TNFAIP6: variants seen among roughly 807,000 people sequenced by gnomAD.
TNFAIP6 encodes TNF alpha induced protein 6.
Under a neutral mutation model 33.7 loss-of-function variants are expected in TNFAIP6, and 36 were observed. That is an observed-to-expected ratio of 1.07 (90% CI 0.82 to 1.41). The LOEUF (loss-of-function observed/expected upper bound fraction) is 1.41, where lower values mean the gene tolerates loss of function less well. Ranked by LOEUF, TNFAIP6 falls within the 40% of genes most tolerant of loss-of-function variation. The pLI is 0.00. For synonymous variants in TNFAIP6, 113 were observed against 112.8 expected (o/e 1.00, Z -0.01); for missense variants, 273 against 331.9 (o/e 0.82, Z 1.38).
Position 151,379,776 on chromosome 2 carries a change from C to G in TNFAIP6, c.*243C>G, listed in dbSNP as rs1046672. Reference sequence around the variant, plus strand: ...ATATTTTTTTCTTTCAGTCATTTTTCTATTTGTGGTATATGTATATATGTA... The same window carrying G: ...ATATTTTTTTCTTTCAGTCATTTTTGTATTTGTGGTATATGTATATATGTA... On this transcript the variant is annotated 3_prime_UTR_variant, in exon 6 of 6. Coordinates refer to ENST00000243347, the MANE Select transcript of TNFAIP6 (RefSeq NM_007115.4). 39,934 of 270,858 alleles carry G rather than the reference C, an allele frequency of 0.15. 3,105 individuals are homozygous for G. Among genetic ancestry groups the G allele is most frequent in the African/African-American group, 0.2 (9,019 of 44,984 alleles). 16.8% of individuals were successfully genotyped at this position (270,858 alleles called of 1,614,324 possible).
chr2:151,375,868 T>C (rs911747230), intron 5 of TNFAIP6, among the ~76,000 whole-genome samples: 4 of 152,206 alleles, frequency 2.6e-5, no homozygotes, highest in African/African-American at 9.6e-5. Context: ...ATCCTAGCAC[T>C]TTGGGAGGCC....
At chr2:151,357,833 C>A in intron 1 of TNFAIP6, 73 bp downstream of exon 1, 1 of 1,024,966 alleles carries the variant, frequency 9.8e-7, no homozygotes, top group Admixed American at 1.7e-5. Flanking sequence ...AAATTTAAAG[C>A]AGTAACTTTT....
chr2:151,357,822 G>A lies in TNFAIP6; in HGVS notation c.94+62G>A, dbSNP rs138918794. The A allele has an allele frequency of 6.1e-4, 668 of 1,090,986 alleles. 2 individuals are homozygous for A. In the African/African-American group the frequency reaches 9.3e-3, roughly 15 times the overall value. The allele number at this position is 1,090,986 out of a possible 1,614,324, so 67.6% of individuals were successfully genotyped here. On this transcript the variant is annotated intron_variant, in intron 1 of 5. Coordinates refer to ENST00000243347, the MANE Select transcript of TNFAIP6 (RefSeq NM_007115.4). The stretch of plus-strand genomic sequence containing the variant: ...GTCAATTCTTTAAATCATGGAGAAG[G>A]AAATTTAAAGCAGTAACTTTTTCTA...
chr2:151,379,537 A>G lies in TNFAIP6; in HGVS notation c.*4A>G. On this transcript the variant is annotated 3_prime_UTR_variant, in exon 6 of 6. Coordinates refer to ENST00000243347, the MANE Select transcript of TNFAIP6 (RefSeq NM_007115.4). ...TGGAAGATTTAGCCACTTATAAAAA[A>G]AAAAAAAAGGATGATCAAAACACAC... 1 of 1,544,860 alleles carries G rather than the reference A, an allele frequency of 6.5e-7. No individual in the cohort carries two copies. The highest frequency in any genetic ancestry group is 2.2e-5 in the Admixed American group (1 of 45,256).
At chr2:151,362,024 T>C (rs1485333943) in intron 1 of TNFAIP6, among the ~76,000 whole-genome samples, 1 of 152,194 alleles carries the variant, frequency 6.6e-6, no homozygotes, top group African/African-American at 2.4e-5. Context: ...CTAATTCTCC[T>C]GGATTCATTT....
intron 1 of TNFAIP6, among the ~76,000 whole-genome samples, chr2:151,363,189 G>A (rs1441184788): frequency 4.6e-5 from 7 of 152,074 alleles, no homozygotes; most frequent in Non-Finnish European, 1.0e-4. Flanking sequence ...GGTGGCACAT[G>A]CCTGTAATCC....
intron 1 of TNFAIP6, among the ~76,000 whole-genome samples, chr2:151,362,985 A>T (rs1302825000): frequency 1.3e-5 from 2 of 152,092 alleles, no homozygotes; most frequent in African/African-American, 4.8e-5. Context: ...AAACTTTATC[A>T]CCTGTGGATA....
chr2:151,365,940 A>G, intron 2 of TNFAIP6, 116 bp from the exon 3 acceptor site: 4 of 916,058 alleles, frequency 4.4e-6, no homozygotes, highest in Non-Finnish European at 6.7e-6. Flanking sequence ...TTTTACATGA[A>G]CTGGATTTGA....
At chr2:151,378,779 A>G (rs1471179422) in intron 5 of TNFAIP6, among the ~76,000 whole-genome samples, 1 of 149,692 alleles carries the variant, frequency 6.7e-6, no homozygotes, top group Non-Finnish European at 1.5e-5. Context: ...GTGACCCACC[A>G]GGCCCAGCCC....
chr2:151,367,092 G>A (rs1684725796), intron 3 of TNFAIP6, among the ~76,000 whole-genome samples: 1 of 152,060 alleles, frequency 6.6e-6, no homozygotes. Context: ...CAGTAGGAGA[G>A]TTACATAGTG....
chr2:151,360,080 GA>G lies in TNFAIP6; in HGVS notation c.94+2321del, dbSNP rs942597294. The stretch of plus-strand genomic sequence containing the variant: ...GGAGTCTGAGGTGGGCAGATTGCTT[GA>G]CCCCAGGAATTAAAAAGACCAGCCT... On this transcript the variant is annotated intron_variant, in intron 1 of 5. Transcript: ENST00000243347. Among the ~76,000 whole-genome samples the G allele has an allele frequency of 1.4e-4, 22 of 152,096 alleles. 1 individual carries two copies. Among genetic ancestry groups the G allele is most frequent in the African/African-American group, 5.3e-4 (22 of 41,416 alleles).
intron 5 of TNFAIP6, 145 bp downstream of exon 5, chr2:151,373,734 T>G: frequency 2.5e-6 from 1 of 393,284 alleles, no homozygotes; most frequent in South Asian, 1.1e-4. Context: ...GCTTGCTAGG[T>G]TGTAAAATGC....
chr2:151,376,766 C>T (rs1252204214), intron 5 of TNFAIP6, among the ~76,000 whole-genome samples: 1 of 150,240 alleles, frequency 6.7e-6, no homozygotes, highest in African/African-American at 2.5e-5. Flanking sequence ...TGTTATTCAA[C>T]GTTTCAATGA....
chr2:151,370,889 G>A (rs1197159785), intron 4 of TNFAIP6, among the ~76,000 whole-genome samples: 1 of 152,118 alleles, frequency 6.6e-6, no homozygotes, highest in Non-Finnish European at 1.5e-5. Context: ...TGGCCAACAT[G>A]GCAAAACCCT....
intron 1 of TNFAIP6, among the ~76,000 whole-genome samples, chr2:151,359,164 C>T (rs1232666053): frequency 6.6e-6 from 1 of 152,092 alleles, no homozygotes; most frequent in East Asian, 1.9e-4. Context: ...CAAATTGCTT[C>T]AATCTGGGGC....
intron 5 of TNFAIP6, among the ~76,000 whole-genome samples, chr2:151,376,447 AC>A (rs2152018881): frequency 6.6e-6 from 1 of 150,948 alleles, no homozygotes; most frequent in Admixed American, 6.6e-5. Context: ...GAAAGAAAGA[AC>A]CTGAAATTGT....
intron 1 of TNFAIP6, among the ~76,000 whole-genome samples, chr2:151,360,067 G>A (rs201383490): frequency 5.9e-5 from 9 of 152,118 alleles, no homozygotes; most frequent in African/African-American, 1.9e-4. Flanking sequence ...AGTCTGAGGT[G>A]GGCAGATTGC....
intron 1 of TNFAIP6, among the ~76,000 whole-genome samples, chr2:151,358,209 TA>T (rs1441846140): frequency 6.6e-6 from 1 of 152,180 alleles, no homozygotes; most frequent in East Asian, 1.9e-4. Flanking sequence ...AGCTATAGTC[TA>T]TATCTTAGTT....
Position 151,370,066 on chromosome 2 carries a change from A to G in TNFAIP6, c.441A>G (p.Lys147=), listed in dbSNP as rs765543434. Residue 147 remains lysine (K), a synonymous_variant, in exon 4 of 6, where the codon AAA becomes AAG. Coordinates refer to ENST00000243347, the MANE Select transcript of TNFAIP6 (RefSeq NM_007115.4). ...GVFTDPKQIF[K]SPGFPNEYED... The stretch of plus-strand genomic sequence containing the variant: ...TTACAGATCCAAAGCAAATTTTTAA[A>G]TCTCCAGGCTTCCCAAATGAGTACG... The G allele has an allele frequency of 5.0e-6, 8 of 1,613,964 alleles. No homozygotes were observed. The African/African-American group carries it at 8.0e-5, about 16-fold the overall frequency.
Sources: gnomAD v4.1 joint callset for allele counts (sites outside exome capture counted in the v4.1 genomes callset) on GRCh38, gnomAD v4.1.1 for gene constraint, MANE v1.5 for transcripts, NCBI Gene and HGNC (gene_info 2026-07-23, HGNC 2026-07-21) for gene names.